SCLT1: variants seen among roughly 807,000 people sequenced by gnomAD.
SCLT1 encodes sodium channel-associated protein 1.
SCLT1 carries 78 observed loss-of-function variants against 112.8 expected under a neutral mutation model. The ratio of observed to expected loss-of-function variants is 0.69; its 90% CI spans 0.58 to 0.83. The LOEUF is 0.83. Ranked by LOEUF, SCLT1 falls within the 40% of genes least tolerant of loss-of-function variation. The pLI is 0.00. For synonymous variants in SCLT1, 257 were observed against 254.7 expected (o/e 1.01, Z -0.09); for missense variants, 747 against 770.4 (o/e 0.97, Z 0.36).
intron 5 of SCLT1, among the ~76,000 whole-genome samples, chr4:129,024,120 C>A (rs1745775182): frequency 6.6e-6 from 1 of 152,174 alleles, no homozygotes; most frequent in Non-Finnish European, 1.5e-5. Flanking sequence ...AGGGCACAGA[C>A]AAACAAAAAG....
intron 6 of SCLT1, among the ~76,000 whole-genome samples, chr4:129,003,497 C>T (rs1482087580): frequency 4.0e-5 from 6 of 148,872 alleles, no homozygotes; most frequent in East Asian, 2.0e-4. Flanking sequence ...AAAAAACTCA[C>T]GTCAAAATCT....
Position 129,070,138 on chromosome 4 carries a change from C to T in SCLT1, c.102+12168G>A, listed in dbSNP as rs148503691. Among the ~76,000 whole-genome samples the T allele has an allele frequency of 1.4e-3, 212 of 152,162 alleles. 2 individuals carry two copies. Among genetic ancestry groups the T allele is most frequent in the South Asian group, 0.013 (63 of 4,826 alleles). ...ATCATAGTGGATTATCTTCTCGCTA[C>T]GTTGTTGGATACAGTTAGCTAGTAT... On this transcript the variant is annotated intron_variant, in intron 2 of 20. Transcript: ENST00000281142.
intron 6 of SCLT1, among the ~76,000 whole-genome samples, chr4:129,003,311 C>T (rs886753789): frequency 1.3e-5 from 2 of 151,704 alleles, no homozygotes; most frequent in African/African-American, 4.8e-5. Flanking sequence ...GGAGGGATAG[C>T]ATTAGGAGAA....
intron 2 of SCLT1, among the ~76,000 whole-genome samples, chr4:129,048,233 A>G (rs1748380546): frequency 6.6e-6 from 1 of 152,190 alleles, no homozygotes; most frequent in Non-Finnish European, 1.5e-5. Flanking sequence ...AAACTATACT[A>G]CAAGGCTACA....
In SCLT1 at chr4:128,946,611, C is replaced by T. The variant is rs148931103; in HGVS notation, c.1294-459G>A. Among the ~76,000 whole-genome samples, 124 of 152,266 alleles carry T rather than the reference C, an allele frequency of 8.1e-4. 2 individuals are homozygous for T. The highest frequency in any genetic ancestry group is 2.9e-3 in the African/African-American group (121 of 41,550). On this transcript the variant is annotated intron_variant, in intron 15 of 20. Transcript: ENST00000281142. ...TTATTTTTTTGGAATTATTCATGCTCATGGTAAACTATGCAATAATACAAA... is the reference window on the plus strand; with the variant it reads ...TTATTTTTTTGGAATTATTCATGCTTATGGTAAACTATGCAATAATACAAA...
rs138777146 is a variant in SCLT1, at chr4:129,003,552, T to C, written c.426+189A>G. 1.6e-3 allele frequency among the ~76,000 whole-genome samples: 248 copies of C among 152,208 alleles called. 2 individuals carry two copies. Among genetic ancestry groups the C allele is most frequent in the East Asian group, 0.014 (71 of 5,188 alleles). On this transcript the variant is annotated intron_variant, in intron 6 of 20. Transcript: ENST00000281142. Reference sequence around the variant, plus strand: ...CATTTGTAACAACCAGTGAGGGTATTTGGCAAGTACGTTTCTAACAGTGAG... The same window carrying C: ...CATTTGTAACAACCAGTGAGGGTATCTGGCAAGTACGTTTCTAACAGTGAG...
intron 5 of SCLT1, among the ~76,000 whole-genome samples, chr4:129,018,236 T>G (rs1440849167): frequency 6.6e-6 from 1 of 152,196 alleles, no homozygotes; most frequent in African/African-American, 2.4e-5. Context: ...ACCAAACCCA[T>G]ATCCTGAACT....
At chr4:129,026,898 T>A (rs1393281412) in intron 5 of SCLT1, among the ~76,000 whole-genome samples, 1 of 152,140 alleles carries the variant, frequency 6.6e-6, no homozygotes, top group Non-Finnish European at 1.5e-5. Flanking sequence ...AAATACAAAC[T>A]ACCATCAGAG....
chr4:128,997,867 T>A lies in SCLT1; in HGVS notation c.615+7A>T. On this transcript the variant is annotated splice_region_variant and intron_variant, in intron 8 of 20. Coordinates refer to ENST00000281142, the MANE Select transcript of SCLT1 (RefSeq NM_144643.4). Reference sequence around the variant, plus strand: ...AATTTCTAGTTTATATAAATAAGTATACTTACCACTTCCATGTTCTCATTA... The same window carrying A: ...AATTTCTAGTTTATATAAATAAGTAAACTTACCACTTCCATGTTCTCATTA... 3.0e-6 allele frequency: 4 copies of A among 1,331,710 alleles called. No homozygotes were observed. Among genetic ancestry groups the A allele is most frequent in the Non-Finnish European group, 4.1e-6 (4 of 970,766 alleles). 82.5% of individuals were successfully genotyped at this position (1,331,710 alleles called of 1,614,324 possible). A position where few individuals can be genotyped will look rare whatever the true frequency, so the allele number is the denominator to read the frequency against.
At chr4:129,086,191 G>A (rs917956314) in intron 1 of SCLT1, among the ~76,000 whole-genome samples, 2 of 151,770 alleles carry the variant, frequency 1.3e-5, no homozygotes, top group African/African-American at 4.8e-5. Flanking sequence ...TTCATAGATT[G>A]ACTATAATCT....
At chr4:128,900,122 T>C (rs1734145203) in intron 18 of SCLT1, among the ~76,000 whole-genome samples, 2 of 152,276 alleles carry the variant, frequency 1.3e-5, no homozygotes, top group Admixed American at 1.3e-4. Flanking sequence ...ATAGATTCAA[T>C]GCCATCCCCA....
chr4:128,970,396 C>G lies in SCLT1; in HGVS notation c.759G>C (p.Gln253His). 1.9e-6 allele frequency: 3 copies of G among 1,592,176 alleles called. No homozygotes were observed. The highest frequency in any genetic ancestry group is 2.6e-6 in the Non-Finnish European group (3 of 1,160,846). The change falls in exon 10 of 21, where the codon CAG becomes CAC. Residue 253 changes from glutamine (Q) to histidine (H), a missense_variant. This residue lies in a region of SCLT1 where 723 missense variants were observed against 721.3 expected (regional missense o/e 1.00). Coordinates refer to ENST00000281142, the MANE Select transcript of SCLT1 (RefSeq NM_144643.4). The stretch of plus-strand genomic sequence containing the variant: ...AAAATACCTTCTTTTTCATCTGTCC[C>G]TGCAGATCTTCAGTCACATTAGTTA... ...EELTNVTEDL[Q>H]GQMKKKEKDV...
intron 5 of SCLT1, among the ~76,000 whole-genome samples, chr4:129,015,542 G>A (rs1214331801): frequency 6.6e-6 from 1 of 152,152 alleles, no homozygotes; most frequent in Non-Finnish European, 1.5e-5. Flanking sequence ...TCTCCTAAGA[G>A]AGCAAGTTGA....
At chr4:128,940,110 A>G (rs1737555842) in intron 17 of SCLT1, among the ~76,000 whole-genome samples, 1 of 152,170 alleles carries the variant, frequency 6.6e-6, no homozygotes, top group African/African-American at 2.4e-5. Flanking sequence ...TGAAATGTTA[A>G]AGACGGATCT....
At chr4:129,069,607 A>G (rs1750803789) in intron 2 of SCLT1, among the ~76,000 whole-genome samples, 1 of 152,290 alleles carries the variant, frequency 6.6e-6, no homozygotes, top group East Asian at 1.9e-4. Context: ...TTAATCTTGT[A>G]TCTGGAAACT....
intron 5 of SCLT1, among the ~76,000 whole-genome samples, chr4:129,021,935 C>A (rs544934360): frequency 6.6e-6 from 1 of 152,286 alleles, no homozygotes; most frequent in South Asian, 2.1e-4. Context: ...TGGCATCAGG[C>A]CGGTGACTCT....
intron 5 of SCLT1, among the ~76,000 whole-genome samples, chr4:129,013,489 T>G (rs1182445033): frequency 6.6e-6 from 1 of 152,228 alleles, no homozygotes; most frequent in Non-Finnish European, 1.5e-5. Context: ...CAGGTGCTCT[T>G]GTAAGGCAGG....
intron 9 of SCLT1, among the ~76,000 whole-genome samples, chr4:128,986,763 G>C (rs73847338): frequency 0.016 from 2,457 of 152,258 alleles, 43 homozygotes; most frequent in African/African-American, 0.045. Flanking sequence ...CAGAATTCAT[G>C]CCCTGCTAAC....
intron 18 of SCLT1, among the ~76,000 whole-genome samples, chr4:128,904,922 T>C (rs77538816): frequency 1.4e-3 from 209 of 152,282 alleles, no homozygotes; most frequent in Non-Finnish European, 2.2e-3. Flanking sequence ...GCGTTAGATA[T>C]ACTGGAGAAC....
Sources: gnomAD v4.1 joint callset for allele counts (sites outside exome capture counted in the v4.1 genomes callset) on GRCh38, gnomAD v4.1.1 for gene constraint, gnomAD v4.1.1 regional missense constraint, MANE v1.5 for transcripts, NCBI Gene and HGNC (gene_info 2026-07-23, HGNC 2026-07-21) for gene names.